Variants in TARP observed in about 807,000 individuals in gnomAD.
At chr7:38,272,947 G>A in the TARP span, among the ~76,000 whole-genome samples, 53 of 150,654 alleles carry the variant, frequency 3.5e-4, no homozygotes, top group Admixed American at 1.9e-3. Context: ...CATTTTTTCC[G>A]ATGCTTTATC....
chr7:38,266,136 T>C, the TARP span, among the ~76,000 whole-genome samples: 50 of 151,856 alleles, frequency 3.3e-4, no homozygotes, highest in Admixed American at 1.1e-3. Context: ...TGAGACTCTT[T>C]GGTCCTTTTC....
At chr7:38,270,354 C>G in the TARP span, among the ~76,000 whole-genome samples, 1 of 151,664 alleles carries the variant, frequency 6.6e-6, no homozygotes, top group Non-Finnish European at 1.5e-5. Flanking sequence ...GCCATCGTCC[C>G]CATCATCACA....
At chr7:38,267,828 C>T in the TARP span, among the ~76,000 whole-genome samples, 2 of 151,340 alleles carry the variant, frequency 1.3e-5, no homozygotes, top group East Asian at 3.8e-4. Context: ...ATCCTAAGAA[C>T]TAGTGTCTCT....
chr7:38,271,684 A>G, the TARP span, among the ~76,000 whole-genome samples: 11 of 151,678 alleles, frequency 7.3e-5, no homozygotes, highest in East Asian at 1.4e-3. Flanking sequence ...TTTGTGAGTG[A>G]ATAATTGTGT....
At chr7:38,271,660 AT>A in the TARP span, among the ~76,000 whole-genome samples, 15 of 151,698 alleles carry the variant, frequency 9.9e-5, no homozygotes, top group African/African-American at 1.5e-4. Context: ...TTGGAAAAAA[AT>A]ATATCCTTTT....
the TARP span, among the ~76,000 whole-genome samples, chr7:38,267,038 T>A: frequency 2.9e-3 from 433 of 151,832 alleles, 3 homozygotes; most frequent in African/African-American, 9.9e-3. Flanking sequence ...CAGGGGTGTA[T>A]TTTTTATACT....
the TARP span, among the ~76,000 whole-genome samples, chr7:38,261,870 CAAAAAAAAAA>C: frequency 3.8e-5 from 2 of 52,468 alleles, no homozygotes; most frequent in Non-Finnish European, 8.1e-5. Flanking sequence ...AGACTCTGTC[CAAAAAAAAAA>C]AAAAAAGAAA....
At chr7:38,264,236 G>A in the TARP span, among the ~76,000 whole-genome samples, 1 of 151,864 alleles carries the variant, frequency 6.6e-6, no homozygotes, top group African/African-American at 2.4e-5. Flanking sequence ...GAAATCTACT[G>A]TAGAATGACA....
At chr7:38,263,467 G>A in the TARP span, among the ~76,000 whole-genome samples, 8 of 151,832 alleles carry the variant, frequency 5.3e-5, no homozygotes, top group Admixed American at 2.6e-4. Context: ...TGTCACCATT[G>A]TGTACTCTAA....
At chr7:38,269,638 C>T in the TARP span, 3 of 584,592 alleles carry the variant, frequency 5.1e-6, no homozygotes, top group African/African-American at 5.6e-5. Context: ...GGTTCCAGTC[C>T]TGGTTCATTT....
At chr7:38,264,388 T>C in the TARP span, among the ~76,000 whole-genome samples, 2 of 151,308 alleles carry the variant, frequency 1.3e-5, no homozygotes, top group African/African-American at 4.9e-5. Flanking sequence ...GTCAGGAATT[T>C]GAGACCAGCC....
chr7:38,260,634 T>A, the TARP span, among the ~76,000 whole-genome samples: 13 of 151,954 alleles, frequency 8.6e-5, no homozygotes, highest in East Asian at 2.3e-3. Context: ...AGATATGTGA[T>A]GTCAAGGAAT....
chr7:38,266,897 A>G, the TARP span, among the ~76,000 whole-genome samples: 2 of 151,872 alleles, frequency 1.3e-5, no homozygotes, highest in Non-Finnish European at 2.9e-5. Context: ...GATTATTTTC[A>G]GAAATACTCT....
the TARP span, chr7:38,259,921 C>T: frequency 7.8e-6 from 5 of 639,244 alleles, no homozygotes; most frequent in African/African-American, 1.9e-5. Context: ...GTGAGGTTCT[C>T]TGTGTGCCCA....
the TARP span, among the ~76,000 whole-genome samples, chr7:38,264,589 C>CAAA: frequency 7.9e-6 from 1 of 126,414 alleles, no homozygotes; most frequent in Non-Finnish European, 1.7e-5. Context: ...GAAACTCTGT[C>CAAA]AAAAAAAAAA....
chr7:38,264,018 G>A, the TARP span, among the ~76,000 whole-genome samples: 1 of 151,784 alleles, frequency 6.6e-6, no homozygotes, highest in Non-Finnish European at 1.5e-5. Flanking sequence ...CATTGATTGA[G>A]GTAAAAAGAA....
chr7:38,269,380 A>C, the TARP span: 1 of 632,096 alleles, frequency 1.6e-6, no homozygotes, highest in Non-Finnish European at 2.8e-6. Flanking sequence ...TTTCTACATC[A>C]AATCCCCATC....
the TARP span, chr7:38,259,881 G>A: frequency 2.7e-5 from 14 of 528,086 alleles, no homozygotes; most frequent in African/African-American, 1.5e-4. Context: ...GCTGGAGATC[G>A]CCGTGGCTAT....
At chr7:38,261,600 C>T in the TARP span, among the ~76,000 whole-genome samples, 1 of 151,468 alleles carries the variant, frequency 6.6e-6, no homozygotes, top group African/African-American at 2.4e-5. Context: ...GGAGGCCGGG[C>T]ACAGTGACTC....
Sources: allele counts gnomAD v4.1 joint callset (sites outside exome capture counted in the v4.1 genomes callset), GRCh38; gene constraint gnomAD v4.1.1; transcripts MANE v1.5.